NPC1: variants seen among roughly 807,000 people sequenced by gnomAD.
The protein encoded by NPC1 is NPC intracellular cholesterol transporter 1.
Under a neutral mutation model 140.4 loss-of-function variants are expected in NPC1, and 85 were observed. The ratio of observed to expected loss-of-function variants is 0.61; its 90% CI spans 0.51 to 0.72. The LOEUF (loss-of-function observed/expected upper bound fraction) is 0.72, where lower values mean the gene tolerates loss of function less well. NPC1 is among the 30% of genes least tolerant of loss of function. The probability of loss-of-function intolerance (pLI) is 0.00; values close to 1 mark genes in which losing one functional copy is unlikely to be tolerated. For synonymous variants in NPC1, 656 were observed against 624.8 expected, an observed-to-expected ratio of 1.05 and a Z score of -0.74; for missense variants, 1,504 against 1,623.8, an observed-to-expected ratio of 0.93 and a Z score of 1.27.
At chr18:23,545,540 G>A (rs937146583) in intron 11 of NPC1, among the ~76,000 whole-genome samples, 2 of 152,148 alleles carry the variant, frequency 1.3e-5, no homozygotes, top group Non-Finnish European at 2.9e-5. Context: ...CACTGTGCCC[G>A]GCTCAAAGGC....
At chr18:23,533,328 C>CG in intron 24 of NPC1, 27 bp downstream of exon 24, 1 of 1,606,780 alleles carries the variant, frequency 6.2e-7, no homozygotes. Flanking sequence ...TTCTATTGTG[C>CG]CACCCTTTTA....
chr18:23,539,879 G>A lies in NPC1; in HGVS notation c.2727C>T (p.Cys909=), dbSNP rs774773656. The change falls in exon 18 of 25, where the codon TGC becomes TGT. Residue 909 remains cysteine (C), a synonymous_variant. Coordinates refer to ENST00000269228, the MANE Select transcript of NPC1 (RefSeq NM_000271.5). ...YTSSKGQNMV[C]GGMGCNNDSL... is the part of the protein sequence containing the mutation. ...AATCATTGTTGCAGCCCATGCCGCCGCACACCATGTTCTGCCCCTTGGAAG... is the reference window on the plus strand; with the variant it reads ...AATCATTGTTGCAGCCCATGCCGCCACACACCATGTTCTGCCCCTTGGAAG... The A allele has an allele frequency of 2.2e-5, 35 of 1,614,052 alleles. No individual in the cohort carries two copies. Among genetic ancestry groups the A allele is most frequent in the East Asian group, 6.7e-5 (3 of 44,898 alleles).
At position 23,531,958 on chromosome 18, in the gene NPC1, G is replaced by A; in HGVS notation, c.*244C>T. On this transcript the variant is annotated 3_prime_UTR_variant, in exon 25 of 25. Coordinates refer to ENST00000269228, the MANE Select transcript of NPC1 (RefSeq NM_000271.5). ...TCACCTCCTGCTTGCCAAAGAATGAGGTTTCTTTCCTGAAGAGGCTGGGAG... is the reference window on the plus strand; with the variant it reads ...TCACCTCCTGCTTGCCAAAGAATGAAGTTTCTTTCCTGAAGAGGCTGGGAG... 5 of 1,446,724 alleles carry A rather than the reference G, an allele frequency of 3.5e-6. No individual in the cohort carries two copies. The highest frequency in any genetic ancestry group is 2.5e-4 in the Middle Eastern group (1 of 3,932). The allele number at this position is 1,446,724 out of a possible 1,614,324, so 89.6% of individuals were successfully genotyped here. A position where few individuals can be genotyped will look rare whatever the true frequency, so the allele number is the denominator to read the frequency against.
intron 3 of NPC1, among the ~76,000 whole-genome samples, chr18:23,516,757 G>A (rs1257247401): frequency 8.0e-6 from 1 of 125,398 alleles, no homozygotes; most frequent in Admixed American, 8.7e-5. Flanking sequence ...ACAGAGTCTT[G>A]TTCTGTCCCC....
intron 1 of NPC1, among the ~76,000 whole-genome samples, chr18:23,574,709 G>C (rs2145557424): frequency 6.6e-6 from 1 of 152,104 alleles, no homozygotes; most frequent in East Asian, 1.9e-4. Flanking sequence ...TAAAAATTAG[G>C]ACTTAACTCC....
chr18:23,532,129 CG>C lies in NPC1; in HGVS notation c.*72del. 1 of 1,613,898 alleles carries C rather than the reference CG, an allele frequency of 6.2e-7. No homozygotes were observed. Among genetic ancestry groups the C allele is most frequent in the Non-Finnish European group, 8.5e-7 (1 of 1,179,976 alleles). On this transcript the variant is annotated 3_prime_UTR_variant, in exon 25 of 25. Coordinates refer to ENST00000269228, the MANE Select transcript of NPC1 (RefSeq NM_000271.5). The stretch of plus-strand genomic sequence containing the variant: ...CATCCGGTGTTCAACTTGGCCTTGC[CG>C]ATGCAGCACCCGTCCAGTGGTAAAC...
chr18:23,566,536 G>A (rs1228612016), intron 4 of NPC1, among the ~76,000 whole-genome samples: 1 of 152,016 alleles, frequency 6.6e-6, no homozygotes, highest in Non-Finnish European at 1.5e-5. Flanking sequence ...CTTAAGGCCA[G>A]GAGTTCAAGA....
chr18:23,540,935 T>C (rs1336707515), intron 16 of NPC1, 133 bp downstream of exon 16: 3 of 1,021,748 alleles, frequency 2.9e-6, no homozygotes, highest in African/African-American at 3.2e-5. Context: ...TGTTCCACAT[T>C]TGCTTTTGCT....
At chr18:23,532,691 ATC>A (rs1005039523) in intron 24 of NPC1, among the ~76,000 whole-genome samples, 5 of 99,996 alleles carry the variant, frequency 5.0e-5, no homozygotes, top group Admixed American at 1.2e-4. Flanking sequence ...CAAAGTGCTC[ATC>A]TCTTTTTTTT....
intron 14 of NPC1, among the ~76,000 whole-genome samples, chr18:23,542,271 T>C (rs1598950453): frequency 6.6e-6 from 1 of 151,966 alleles, no homozygotes. Context: ...TTTTTTTTTT[T>C]TCTGCACCTG....
At chr18:23,515,782 C>T (rs2057986791) in intron 3 of NPC1, 1 of 1,584,070 alleles carries the variant, frequency 6.3e-7, no homozygotes, top group Non-Finnish European at 8.6e-7. Flanking sequence ...ATCCGCCCAC[C>T]TTAGCCTCCC....
intron 1 of NPC1, among the ~76,000 whole-genome samples, chr18:23,579,349 G>A (rs2059330084): frequency 6.6e-6 from 1 of 152,210 alleles, no homozygotes; most frequent in Non-Finnish European, 1.5e-5. Flanking sequence ...GTTCATGGAT[G>A]CAGAACTTGT....
Position 23,547,111 on chromosome 18 carries a change from C to A in NPC1, c.1757+895G>T, listed in dbSNP as rs560757973. 2.8e-4 allele frequency among the ~76,000 whole-genome samples: 43 copies of A among 152,230 alleles called. No homozygotes were observed. The South Asian group carries it at 8.7e-3, about 31-fold the overall frequency. On this transcript the variant is annotated intron_variant, in intron 11 of 24. Transcript: ENST00000269228. ...GGGACTACAAGTGTGAACCACCATT[C>A]CCAGCCTGAACTGTATACTTTAAGT...
intron 3 of NPC1, chr18:23,506,771 G>C: frequency 4.3e-6 from 2 of 470,394 alleles, no homozygotes; most frequent in South Asian, 4.3e-5. Flanking sequence ...CCATAATACT[G>C]TAAGTTTCCC....
At chr18:23,527,589 C>CTTT (rs71163615), downstream of NPC1, among the ~76,000 whole-genome samples, 38 of 108,330 alleles carry the variant, frequency 3.5e-4, no homozygotes, top group African/African-American at 8.3e-4. Context: ...CCTGCTATAG[C>CTTT]TTTTTTTTTT....
At position 23,534,521 on chromosome 18, in the gene NPC1, G is replaced by GC; in HGVS notation, c.3515_3516insG (p.Arg1173GlnfsTer85). 1 of 1,614,124 alleles carries GC rather than the reference G, an allele frequency of 6.2e-7. No homozygotes were observed. The highest frequency in any genetic ancestry group is 8.5e-7 in the Non-Finnish European group (1 of 1,180,028). ...CTTTCATGCTCACCGTGAACGCTCT[G>GC]GTTATGTGGCTGCAGAACTCCACGG... On this transcript the variant is annotated frameshift_variant, in exon 23 of 25. Coordinates refer to ENST00000269228, the MANE Select transcript of NPC1 (RefSeq NM_000271.5). LOFTEE classifies it high-confidence loss of function.
chr18:23,557,706 C>T (rs1398910006), intron 6 of NPC1, among the ~76,000 whole-genome samples: 2 of 152,172 alleles, frequency 1.3e-5, no homozygotes, highest in Admixed American at 1.3e-4. Context: ...CGCGCCACTG[C>T]ATTCCAGCCT....
intron 23 of NPC1, 85 bp from the exon 24 acceptor site, chr18:23,533,602 G>A: frequency 7.5e-7 from 1 of 1,341,912 alleles, no homozygotes; most frequent in Non-Finnish European, 1.1e-6. Context: ...TTTCTCCCAG[G>A]TTCAAGTGAT....
Position 23,541,197 on chromosome 18 carries a change from T to C in NPC1, c.2385A>G (p.Leu795=). The C allele has an allele frequency of 6.2e-7, 1 of 1,614,202 alleles. No individual in the cohort carries two copies. Among genetic ancestry groups the C allele is most frequent in the Non-Finnish European group, 8.5e-7 (1 of 1,180,022 alleles). The change falls in exon 16 of 25, where the codon CTA becomes CTG. Residue 795 remains leucine (L), a synonymous_variant. Coordinates refer to ENST00000269228, the MANE Select transcript of NPC1 (RefSeq NM_000271.5). ...LDIKRQEKNR[L]DIFCCVRGAE... is the part of the protein sequence containing the mutation. ...CACCTCTGACACAGCAAAAGATGTC[T>C]AGCCGATTTTTCTGAGGGGACAGAG...
Sources: allele counts gnomAD v4.1 joint callset (sites outside exome capture counted in the v4.1 genomes callset), GRCh38; gene constraint gnomAD v4.1.1; transcripts MANE v1.5; gene names NCBI Gene and HGNC (gene_info 2026-07-23, HGNC 2026-07-21).